LIG1: variants seen among roughly 807,000 people sequenced by gnomAD.
The protein encoded by LIG1 is ligase I, DNA, ATP-dependent.
A neutral mutation model predicts 115.7 loss-of-function variants in LIG1; 70 were observed. That is an observed-to-expected ratio of 0.60 (90% CI 0.50 to 0.74). The LOEUF (loss-of-function observed/expected upper bound fraction) is 0.74, where lower values mean the gene tolerates loss of function less well. LIG1 is among the 30% of genes least tolerant of loss of function. The probability of loss-of-function intolerance (pLI) is 0.00; values close to 1 mark genes in which losing one functional copy is unlikely to be tolerated. For missense variants in LIG1, 1,115 were observed against 1,225.6 expected, an observed-to-expected ratio of 0.91 and a Z score of 1.35; for synonymous variants, 487 against 495.3, an observed-to-expected ratio of 0.98 and a Z score of 0.22.
At chr19:48,130,546 C>T (rs567335119) in intron 19 of LIG1, among the ~76,000 whole-genome samples, 2 of 152,270 alleles carry the variant, frequency 1.3e-5, no homozygotes, top group South Asian at 2.1e-4. Context: ...TCCTCCTCCC[C>T]GCGTTCCTGG....
At position 48,133,964 on chromosome 19, in the gene LIG1, G is replaced by A. The variant is rs370599126; in HGVS notation, c.1609+17C>T. The A allele has an allele frequency of 3.0e-5, 46 of 1,548,720 alleles. No individual in the cohort carries two copies. Among genetic ancestry groups the A allele is most frequent in the Middle Eastern group, 1.7e-4 (1 of 5,994 alleles). ...CAGGGCTGCTGCCAGGCTGGTGAGC[G>A]CCCCTGGGGCCTGTACCTGGGCTCA... On this transcript the variant is annotated intron_variant, in intron 17 of 27. Coordinates refer to ENST00000263274, the MANE Select transcript of LIG1 (RefSeq NM_000234.3).
intron 25 of LIG1, 172 bp from the exon 26 acceptor site, chr19:48,117,953 CAGAAAT>C (rs1487307351): frequency 1.2e-5 from 8 of 674,720 alleles, no homozygotes; most frequent in East Asian, 2.7e-5. Context: ...TTGAAGTAAA[CAGAAAT>C]AGAAAGAGAA....
At chr19:48,116,074 C>T (rs1208863337) in intron 26 of LIG1, 109 bp from the exon 27 acceptor site, 5 of 791,000 alleles carry the variant, frequency 6.3e-6, no homozygotes, top group Admixed American at 2.0e-5. Flanking sequence ...CGGGGCCGAA[C>T]GATGGGTTGT....
chr19:48,115,468 G>C lies in LIG1; in HGVS notation c.*181C>G, dbSNP rs1369595000. 2 of 623,242 alleles carry C rather than the reference G, an allele frequency of 3.2e-6. No homozygotes were observed. The highest frequency in any genetic ancestry group is 5.8e-6 in the Non-Finnish European group (2 of 345,980). The allele number at this position is 623,242 out of a possible 1,614,324, so 38.6% of individuals were successfully genotyped here. A position where few individuals can be genotyped will look rare whatever the true frequency, so the allele number is the denominator to read the frequency against. On this transcript the variant is annotated 3_prime_UTR_variant, in exon 28 of 28. Transcript: ENST00000263274. ...AGTAGCTATCCAATAATTATTTATT[G>C]AAAGAAATGACGGGATGAATCCCAG...
At chr19:48,130,916 A>G (rs1465186230) in intron 19 of LIG1, among the ~76,000 whole-genome samples, 160 bp downstream of exon 19, 1 of 152,166 alleles carries the variant, frequency 6.6e-6, no homozygotes, top group East Asian at 1.9e-4. Context: ...ATATGGGCTT[A>G]CACCACGCAG....
intron 11 of LIG1, 47 bp from the exon 12 acceptor site, chr19:48,140,190 A>C: frequency 1.9e-6 from 2 of 1,044,872 alleles, no homozygotes; most frequent in Non-Finnish European, 2.8e-6. Flanking sequence ...TCAAGGTCAA[A>C]GTGTGGTGTC....
chr19:48,127,191 G>A (rs2033725681), intron 21 of LIG1, 86 bp downstream of exon 21: 2 of 1,106,902 alleles, frequency 1.8e-6, no homozygotes, highest in Admixed American at 3.4e-5. Context: ...GGCAGAGTCG[G>A]AAATGGAAGT....
chr19:48,153,681 CA>C (rs1281626949), intron 6 of LIG1, among the ~76,000 whole-genome samples, 190 bp downstream of exon 6: 14 of 145,224 alleles, frequency 9.6e-5, no homozygotes, highest in African/African-American at 1.8e-4. Flanking sequence ...CACACACACA[CA>C]CACACACACC....
Position 48,137,113 on chromosome 19 carries a change from G to A in LIG1, c.1255-29C>T, listed in dbSNP as rs375474771. The A allele has an allele frequency of 4.7e-5, 74 of 1,573,410 alleles. No individual in the cohort carries two copies. The highest frequency in any genetic ancestry group is 2.2e-4 in the Admixed American group (13 of 58,534). On this transcript the variant is annotated intron_variant, in intron 13 of 27. Transcript: ENST00000263274. This position sits in a 1 kb window ranked among gnomAD's most constrained non-coding sequence, Gnocchi z 4.3. ...GAGAGTCAGGGGAAGAGCCGTCAGTGCCTGGTGAAGGCAGGGACCACACCT... is the reference window on the plus strand; with the variant it reads ...GAGAGTCAGGGGAAGAGCCGTCAGTACCTGGTGAAGGCAGGGACCACACCT...
chr19:48,162,495 G>A (rs1041049707), intron 2 of LIG1, 144 bp from the exon 3 acceptor site: 12 of 592,864 alleles, frequency 2.0e-5, no homozygotes, highest in South Asian at 1.2e-4. Flanking sequence ...GTGCAATGGC[G>A]CAATCTCAGC....
chr19:48,161,461 G>C lies in LIG1; in HGVS notation c.154C>G (p.Pro52Ala). 3 of 1,614,158 alleles carry C rather than the reference G, an allele frequency of 1.9e-6. No individual in the cohort carries two copies. The highest frequency in any genetic ancestry group is 2.5e-6 in the Non-Finnish European group (3 of 1,180,036). Residue 52 changes from proline to alanine, a missense_variant, in exon 4 of 28, where the codon CCG (proline) becomes GCG (alanine). By Grantham distance (27) the Pro-to-Ala change is conservative. Transcript: ENST00000263274. ...WNGVVSESDSPVKRPGRKAAR... is the reference protein window; with the variant it reads ...WNGVVSESDSAVKRPGRKAAR... ...GCCTTCCTCCCTGGCCTCTTCACCG[G>C]AGAGTCACTCTCGGACACCACTCCA...
rs538031361 is a variant in LIG1, at chr19:48,161,362, G to A, written c.243+10C>T. 1.9e-6 allele frequency: 3 copies of A among 1,614,128 alleles called. No individual in the cohort carries two copies. The highest frequency in any genetic ancestry group is 1.7e-5 in the Admixed American group (1 of 60,016). On this transcript the variant is annotated intron_variant, in intron 4 of 27. Transcript: ENST00000263274. ...TTCTGGTAAAAATGGGCAGGGTGATGGGGACCTACCTGGCCTTTAGCAGGG... is the reference window on the plus strand; with the variant it reads ...TTCTGGTAAAAATGGGCAGGGTGATAGGGACCTACCTGGCCTTTAGCAGGG...
chr19:48,157,466 C>T (rs2035923566), intron 4 of LIG1, among the ~76,000 whole-genome samples: 1 of 149,196 alleles, frequency 6.7e-6, no homozygotes, highest in African/African-American at 2.5e-5. Context: ...TTAGTAGAGA[C>T]GGGGTTTCAC....
In LIG1 at chr19:48,117,752, G is replaced by A. The variant is rs761859667; in HGVS notation, c.2469C>T (p.Tyr823=). 14 of 1,613,060 alleles carry A rather than the reference G, an allele frequency of 8.7e-6. No homozygotes were observed. Among genetic ancestry groups the A allele is most frequent in the African/African-American group, 6.7e-5 (5 of 74,948 alleles). Residue 823 remains tyrosine, a synonymous_variant, in exon 26 of 28, where the codon TAC becomes TAT. Coordinates refer to ENST00000263274, the MANE Select transcript of LIG1 (RefSeq NM_000234.3). ...GAATCACAGCGCCATCTATCCGCACGTAAGGGCGTGGGCTGGGCAGCACCA... is the reference window on the plus strand; with the variant it reads ...GAATCACAGCGCCATCTATCCGCACATAAGGGCGTGGGCTGGGCAGCACCA... ...KALVLPSPRP[Y]VRIDGAVIPD...
intron 16 of LIG1, 34 bp downstream of exon 16, chr19:48,135,646 C>T: frequency 1.3e-6 from 2 of 1,553,596 alleles, no homozygotes; most frequent in Admixed American, 1.7e-5. Flanking sequence ...CTGCCCACAG[C>T]CCCTGGCAAC....
At position 48,123,162 on chromosome 19, in the gene LIG1, G is replaced by A; in HGVS notation, c.2149+12C>T. On this transcript the variant is annotated intron_variant, in intron 22 of 27. Transcript: ENST00000263274. ...GCTGCAGACCTCAGGAGAGAAAAGT[G>A]AGCACCCTCACCTTTCACTGACTGC... 1.2e-6 allele frequency: 2 copies of A among 1,613,998 alleles called. No individual in the cohort carries two copies. The highest frequency in any genetic ancestry group is 2.2e-5 in the South Asian group (2 of 91,046).
chr19:48,119,485 C>A (rs2033113526), intron 24 of LIG1, among the ~76,000 whole-genome samples: 1 of 151,854 alleles, frequency 6.6e-6, no homozygotes, highest in African/African-American at 2.4e-5. Flanking sequence ...CTTATGCTCA[C>A]CCACATCCTC....
intron 11 of LIG1, among the ~76,000 whole-genome samples, chr19:48,142,585 A>C (rs2034844152): frequency 6.6e-6 from 1 of 152,094 alleles, no homozygotes; most frequent in Non-Finnish European, 1.5e-5. Flanking sequence ...ACCAACATGG[A>C]CACATGTGGA....
intron 21 of LIG1, among the ~76,000 whole-genome samples, chr19:48,126,390 G>A (rs972137109): frequency 2.6e-5 from 4 of 152,092 alleles, no homozygotes; most frequent in African/African-American, 9.7e-5. Context: ...CAGATCACCT[G>A]AGGTCAAGAG....
Sources: allele counts gnomAD v4.1 joint callset (sites outside exome capture counted in the v4.1 genomes callset), GRCh38; gene constraint gnomAD v4.1.1; non-coding constraint Gnocchi (gnomAD v3.1); transcripts MANE v1.5; gene names NCBI Gene and HGNC (gene_info 2026-07-23, HGNC 2026-07-21).